Variants in SLC7A2 observed in about 807,000 individuals in gnomAD.
The protein encoded by SLC7A2 is solute carrier family 7 member 2, also known as cationic amino acid transporter 2.
Under a neutral mutation model 58.9 loss-of-function variants are expected in SLC7A2, and 48 were observed. The observed-to-expected ratio is 0.82, with a 90% confidence interval of 0.65 to 1.04. The LOEUF is 1.04. SLC7A2 is among the 50% of genes least tolerant of loss of function. The pLI, the probability that SLC7A2 is intolerant of heterozygous loss-of-function variation, is 0.00. For missense variants in SLC7A2, 1,029 were observed against 818.8 expected (o/e 1.26, Z -3.13); for synonymous variants, 363 against 314.5 (o/e 1.15, Z -1.63).
intron 8 of SLC7A2, chr8:17,555,076 A>G: frequency 6.2e-7 from 1 of 1,613,634 alleles, no homozygotes; most frequent in Non-Finnish European, 8.5e-7. Context: ...TGCAGGGGTC[A>G]TTTCTGGTAA....
intron 6 of SLC7A2, 101 bp from the exon 7 acceptor site, chr8:17,551,663 G>A (rs1257637245): frequency 2.4e-6 from 2 of 840,502 alleles, no homozygotes; most frequent in Non-Finnish European, 4.1e-6. Context: ...CAAAAGCAGA[G>A]GAGAACTACC....
At chr8:17,525,731 A>G (rs546620146) in intron 2 of SLC7A2, among the ~76,000 whole-genome samples, 2 of 152,340 alleles carry the variant, frequency 1.3e-5, no homozygotes, top group South Asian at 2.1e-4. Context: ...CTAGAGAGGT[A>G]GATGATGAAA....
chr8:17,502,844 T>C (rs1041324167), intron 2 of SLC7A2, among the ~76,000 whole-genome samples: 4 of 152,278 alleles, frequency 2.6e-5, no homozygotes, highest in African/African-American at 9.6e-5. Flanking sequence ...AATACCATGA[T>C]TGGTTCTTAC....
intron 5 of SLC7A2, 91 bp from the exon 6 acceptor site, chr8:17,550,210 A>G (rs1291430334): frequency 2.5e-6 from 3 of 1,217,464 alleles, no homozygotes; most frequent in African/African-American, 1.5e-5. Context: ...AATAAACACA[A>G]CCACCTTCCA....
At chr8:17,522,569 G>A (rs1425236022) in intron 2 of SLC7A2, among the ~76,000 whole-genome samples, 1 of 152,138 alleles carries the variant, frequency 6.6e-6, no homozygotes. Flanking sequence ...CAATGTAACA[G>A]GGGATGCTGC....
chr8:17,533,205 G>C (rs1236869919), intron 2 of SLC7A2, among the ~76,000 whole-genome samples: 1 of 152,186 alleles, frequency 6.6e-6, no homozygotes, highest in Non-Finnish European at 1.5e-5. Flanking sequence ...GCCAATAGCA[G>C]CATTTCAACA....
chr8:17,546,501 T>C (rs1224007824), intron 4 of SLC7A2, among the ~76,000 whole-genome samples: 2 of 152,214 alleles, frequency 1.3e-5, no homozygotes, highest in Non-Finnish European at 2.9e-5. Flanking sequence ...TGTCTAATCT[T>C]CCGGTGGGAG....
intron 11 of SLC7A2, 26 bp downstream of exon 11, chr8:17,562,136 CA>C: frequency 6.5e-7 from 1 of 1,542,878 alleles, no homozygotes. Flanking sequence ...ATTAGAGACC[CA>C]AAATACTGTA....
intron 2 of SLC7A2, among the ~76,000 whole-genome samples, chr8:17,525,092 G>T (rs974569861): frequency 6.6e-6 from 1 of 151,990 alleles, no homozygotes; most frequent in Non-Finnish European, 1.5e-5. Flanking sequence ...CTATTAAAAG[G>T]ATCCTTTCAG....
chr8:17,554,915 C>A, intron 8 of SLC7A2: 1 of 1,611,502 alleles, frequency 6.2e-7, no homozygotes, highest in Non-Finnish European at 8.5e-7. Context: ...TAAAATAACT[C>A]ATGTGTGGAT....
At chr8:17,495,657 C>G (rs1799939514), upstream of SLC7A2, among the ~76,000 whole-genome samples, 1 of 152,212 alleles carries the variant, frequency 6.6e-6, no homozygotes, top group African/African-American at 2.4e-5. Flanking sequence ...TCAAGCGATT[C>G]TCCTGCCTCA....
intron 2 of SLC7A2, among the ~76,000 whole-genome samples, chr8:17,523,350 C>T (rs1191316838): frequency 1.3e-5 from 2 of 152,120 alleles, no homozygotes; most frequent in African/African-American, 4.8e-5. Context: ...CATCATATTA[C>T]CTGATTTCAA....
chr8:17,513,521 GAGA>G (rs1227059718), intron 2 of SLC7A2, among the ~76,000 whole-genome samples: 1 of 152,142 alleles, frequency 6.6e-6, no homozygotes, highest in African/African-American at 2.4e-5. Context: ...TATTTTAAAA[GAGA>G]AGATTTTATT....
intron 2 of SLC7A2, among the ~76,000 whole-genome samples, chr8:17,520,468 G>A (rs553346962): frequency 4.6e-5 from 7 of 151,292 alleles, no homozygotes; most frequent in Non-Finnish European, 8.8e-5. Context: ...TGGTGAAACC[G>A]CATTTCTACT....
intron 6 of SLC7A2, among the ~76,000 whole-genome samples, chr8:17,550,961 A>G (rs1213853699): frequency 6.6e-6 from 1 of 152,202 alleles, no homozygotes; most frequent in Non-Finnish European, 1.5e-5. Context: ...TTGAGTATTC[A>G]GTCTCATTAG....
At chr8:17,551,442 C>G (rs1386359025) in intron 6 of SLC7A2, among the ~76,000 whole-genome samples, 1 of 151,948 alleles carries the variant, frequency 6.6e-6, no homozygotes, top group Non-Finnish European at 1.5e-5. Flanking sequence ...TACTAAAATA[C>G]AAAAATTAGC....
In SLC7A2 at chr8:17,537,971, G is replaced by A. The variant is rs118171351; in HGVS notation, c.-22-5347G>A. Among the ~76,000 whole-genome samples, 1,241 of 152,236 alleles carry A rather than the reference G, an allele frequency of 8.2e-3. 11 individuals carry two copies. The highest frequency in any genetic ancestry group is 0.017 in the Middle Eastern group (5 of 294). On this transcript the variant is annotated intron_variant, in intron 2 of 12. Transcript: ENST00000494857. ...TTCTGCATCTCTTTGAGCTAACTAG[G>A]TATGCCTTATTCCCACTGTGATGTT... is the stretch of plus-strand genomic sequence containing the variant.
At chr8:17,502,957 A>G (rs1235546641) in intron 2 of SLC7A2, among the ~76,000 whole-genome samples, 1 of 152,026 alleles carries the variant, frequency 6.6e-6, no homozygotes, top group African/African-American at 2.4e-5. Flanking sequence ...AAAATTTTAA[A>G]TGAACTTTCC....
chr8:17,529,495 G>A lies in SLC7A2; in HGVS notation c.-22-13823G>A, dbSNP rs145775028. Among the ~76,000 whole-genome samples the A allele has an allele frequency of 1.3e-4, 20 of 151,746 alleles. No individual in the cohort carries two copies. In the East Asian group the frequency reaches 3.9e-3, roughly 30 times the overall value. ...AAGTGCCATGGGGCTCAGTCTCTAC[G>A]GAGGGACATTTTCTTTGTTTTTGGT... On this transcript the variant is annotated intron_variant, in intron 2 of 12. Coordinates refer to ENST00000494857, the MANE Select transcript of SLC7A2 (RefSeq NM_001370338.1).
Sources: allele counts gnomAD v4.1 joint callset (sites outside exome capture counted in the v4.1 genomes callset), GRCh38; gene constraint gnomAD v4.1.1; transcripts MANE v1.5; gene names NCBI Gene and HGNC (gene_info 2026-07-23, HGNC 2026-07-21).